Variants in ZNF480 observed in about 807,000 individuals in gnomAD.
ZNF480 encodes the protein zinc finger protein 480.
A neutral mutation model predicts 14.4 loss-of-function variants in ZNF480; 15 were observed. The ratio of observed to expected loss-of-function variants is 1.04; its 90% CI spans 0.70 to 1.60. ZNF480 has a LOEUF of 1.60. Ranked by LOEUF, ZNF480 falls within the 40% of genes most tolerant of loss-of-function variation. The pLI is 0.00. For synonymous variants in ZNF480, 218 were observed against 215.5 expected, an observed-to-expected ratio of 1.01 and a Z score of -0.10; for missense variants, 593 against 629.7, an observed-to-expected ratio of 0.94 and a Z score of 0.62.
intron 1 of ZNF480, among the ~76,000 whole-genome samples, chr19:52,298,215 G>T (rs72483956): frequency 6.6e-6 from 1 of 152,022 alleles, no homozygotes; most frequent in Non-Finnish European, 1.5e-5. Context: ...TGGTGACAAC[G>T]AGAGCAGAGG....
In ZNF480 at chr19:52,315,954, T is replaced by C. The variant is rs1568634325; in HGVS notation, c.320T>C (p.Val107Ala). The change falls in exon 4 of 5, where the codon GTG (valine) becomes GCG (alanine). Residue 107 changes from valine to alanine, a missense_variant. Val to Ala is a moderately conservative substitution (Grantham distance 64). Transcript: ENST00000595962. Reference protein sequence around the residue: ...NSDGRECIKGVNTGSSYALGS... With the variant: ...NSDGRECIKGANTGSSYALGS... ...GATGGGAGGGAGTGCATCAAAGGTG[T>C]GAACACAGGTAAGAGCTCAGATGGG... 1.9e-6 allele frequency: 3 copies of C among 1,607,992 alleles called. No homozygotes were observed. Among genetic ancestry groups the C allele is most frequent in the Non-Finnish European group, 2.6e-6 (3 of 1,176,022 alleles).
chr19:52,304,279 G>A (rs10404701), intron 2 of ZNF480, among the ~76,000 whole-genome samples: 97,958 of 152,090 alleles, frequency 0.64, 32,913 homozygotes, highest in South Asian at 0.75. Flanking sequence ...ACTATTAAAG[G>A]CCAATTTTTT....
At chr19:52,310,433 A>G (rs1983215201) in intron 2 of ZNF480, among the ~76,000 whole-genome samples, 1 of 152,112 alleles carries the variant, frequency 6.6e-6, no homozygotes, top group Non-Finnish European at 1.5e-5. Flanking sequence ...TTAATTATAT[A>G]CATTTTTAAA....
At chr19:52,308,125 CG>C (rs1983053423) in intron 2 of ZNF480, among the ~76,000 whole-genome samples, 1 of 151,880 alleles carries the variant, frequency 6.6e-6, no homozygotes, top group South Asian at 2.1e-4. Flanking sequence ...AGATGGGGTG[CG>C]GGCCCCATGG....
chr19:52,310,306 G>A (rs576587184), intron 2 of ZNF480, among the ~76,000 whole-genome samples: 27 of 152,094 alleles, frequency 1.8e-4, no homozygotes, highest in East Asian at 7.7e-4. Flanking sequence ...ATCCGCCTGC[G>A]TTGGCCTCCC....
intron 3 of ZNF480, among the ~76,000 whole-genome samples, chr19:52,314,836 A>G (rs141738632): frequency 2.6e-5 from 4 of 152,088 alleles, no homozygotes; most frequent in African/African-American, 9.6e-5. Flanking sequence ...ACAAAAAACT[A>G]AAAACCTTGT....
intron 2 of ZNF480, among the ~76,000 whole-genome samples, chr19:52,302,845 G>A (rs943083210): frequency 6.6e-6 from 1 of 152,204 alleles, no homozygotes; most frequent in Non-Finnish European, 1.5e-5. Flanking sequence ...GCATTAACAT[G>A]GGTTAAATTG....
chr19:52,321,242 A>G (rs1302687858), intron 4 of ZNF480, among the ~76,000 whole-genome samples: 1 of 152,044 alleles, frequency 6.6e-6, no homozygotes, highest in Non-Finnish European at 1.5e-5. Context: ...AGCTTTGTGC[A>G]TGTACTGTTA....
chr19:52,313,782 C>A (rs1239380446), intron 2 of ZNF480: 2 of 441,560 alleles, frequency 4.5e-6, no homozygotes, highest in Non-Finnish European at 4.5e-6. Context: ...AGTTCAAGAC[C>A]AGCCTGGCCA....
chr19:52,303,843 T>C (rs11670249), intron 2 of ZNF480, among the ~76,000 whole-genome samples: 1 of 152,170 alleles, frequency 6.6e-6, no homozygotes, highest in Non-Finnish European at 1.5e-5. Flanking sequence ...TCATTCAGTG[T>C]TTTCAATTGA....
chr19:52,297,371 G>GGTCGCTTCCCTGTGTGTTTAAATC (rs1982451217), intron 1 of ZNF480, 148 bp downstream of exon 1: 1 of 381,686 alleles, frequency 2.6e-6, no homozygotes, highest in African/African-American at 2.2e-5. Flanking sequence ...AGAGTCAGGC[G>GGTCGCTTCCCTGTGTGTTTAAATC]GTCGCTTCCC....
chr19:52,322,937 A>G lies in ZNF480; in HGVS notation c.*79A>G, dbSNP rs1983918240. On this transcript the variant is annotated 3_prime_UTR_variant, in exon 5 of 5. Coordinates refer to ENST00000595962, the MANE Select transcript of ZNF480 (RefSeq NM_144684.4). ...CTACCCATCTTTTATTCCATACTGC[A>G]AAGAAATTTTGCAAATGTAAAGAAT... 1 of 1,371,254 alleles carries G rather than the reference A, an allele frequency of 7.3e-7. No individual in the cohort carries two copies. The highest frequency in any genetic ancestry group is 1.4e-5 in the African/African-American group (1 of 69,254). 84.9% of individuals were successfully genotyped at this position (1,371,254 alleles called of 1,614,324 possible). A position where few individuals can be genotyped will look rare whatever the true frequency, so the allele number is the denominator to read the frequency against.
At chr19:52,315,323 G>T (rs919808199) in intron 3 of ZNF480, among the ~76,000 whole-genome samples, 50 of 140,944 alleles carry the variant, frequency 3.5e-4, no homozygotes, top group South Asian at 1.1e-3. Flanking sequence ...TTTATGTTTT[G>T]TTTTTTTTTT....
Position 52,323,048 on chromosome 19 carries a change from G to A in ZNF480, c.*190G>A. 2 of 466,698 alleles carry A rather than the reference G, an allele frequency of 4.3e-6. No individual in the cohort carries two copies. Among genetic ancestry groups the A allele is most frequent in the Non-Finnish European group, 7.1e-6 (2 of 279,756 alleles). 28.9% of individuals were successfully genotyped at this position (466,698 alleles called of 1,614,324 possible). A position where few individuals can be genotyped will look rare whatever the true frequency, so the allele number is the denominator to read the frequency against. ...GACTTCACAATTATAATAAATGTGTGGAAAAGTCTTCAAAAAAATTTCACA... is the reference window on the plus strand; with the variant it reads ...GACTTCACAATTATAATAAATGTGTAGAAAAGTCTTCAAAAAAATTTCACA... On this transcript the variant is annotated 3_prime_UTR_variant, in exon 5 of 5. Transcript: ENST00000595962.
In ZNF480 at chr19:52,322,120, T is replaced by C. The variant is rs768911022; in HGVS notation, c.870T>C (p.Asn290=). The stretch of plus-strand genomic sequence containing the variant: ...CCAGAGAGAAGCCGTATGAATGTAA[T>C]GAATGTGGTAAAGTCTTCAGTAATA... The part of the protein sequence containing the change: ...IHTREKPYEC[N]ECGKVFSNNS... Residue 290 remains asparagine, a synonymous_variant, in exon 5 of 5, where the codon AAT becomes AAC. Coordinates refer to ENST00000595962, the MANE Select transcript of ZNF480 (RefSeq NM_144684.4). The C allele has an allele frequency of 5.6e-6, 9 of 1,613,880 alleles. No individual in the cohort carries two copies. The Admixed American group carries it at 1.0e-4, about 18-fold the overall frequency.
chr19:52,312,814 C>T (rs558341720), intron 2 of ZNF480, among the ~76,000 whole-genome samples: 58 of 132,278 alleles, frequency 4.4e-4, no homozygotes, highest in African/African-American at 1.5e-3. Flanking sequence ...GTTATCATCC[C>T]AGTTTTATAA....
intron 3 of ZNF480, among the ~76,000 whole-genome samples, chr19:52,315,208 C>G (rs551086205): frequency 1.3e-5 from 2 of 152,142 alleles, no homozygotes; most frequent in East Asian, 3.9e-4. Flanking sequence ...CTCAGCCTCC[C>G]GAAGTGCTGG....
intron 1 of ZNF480, among the ~76,000 whole-genome samples, chr19:52,299,836 G>C (rs990123094): frequency 6.6e-6 from 1 of 152,172 alleles, no homozygotes; most frequent in African/African-American, 2.4e-5. Context: ...TGGGATTATA[G>C]GTGTGTGCCA....
intron 3 of ZNF480, 81 bp from the exon 4 acceptor site, chr19:52,315,753 G>C: frequency 6.8e-7 from 1 of 1,475,808 alleles, no homozygotes; most frequent in Non-Finnish European, 9.2e-7. Context: ...ATTCATTTGT[G>C]ATATCCTGTC....
Sources: gnomAD v4.1 joint callset for allele counts (sites outside exome capture counted in the v4.1 genomes callset) on GRCh38, gnomAD v4.1.1 for gene constraint, MANE v1.5 for transcripts, NCBI Gene and HGNC (gene_info 2026-07-23, HGNC 2026-07-21) for gene names.